Variants in SLC7A7 observed in about 807,000 individuals in gnomAD.
The protein encoded by SLC7A7 is Y+L amino acid transporter 1.
SLC7A7 carries 39 observed loss-of-function variants against 47.9 expected under a neutral mutation model. The ratio of observed to expected loss-of-function variants is 0.81; its 90% CI spans 0.63 to 1.06. SLC7A7 has a LOEUF of 1.06. Among genes scored for constraint, SLC7A7 ranks in the 50% least tolerant of loss-of-function variants. SLC7A7 has a pLI of 0.00. For missense variants in SLC7A7, 588 were observed against 632.0 expected, an observed-to-expected ratio of 0.93 and a Z score of 0.75; for synonymous variants, 234 against 242.8, an observed-to-expected ratio of 0.96 and a Z score of 0.34.
chr14:22,778,260 G>A (rs2038652970), intron 4 of SLC7A7, among the ~76,000 whole-genome samples: 1 of 152,160 alleles, frequency 6.6e-6, no homozygotes, highest in Non-Finnish European at 1.5e-5. Flanking sequence ...TCAGTGGAAA[G>A]ATCAACTCTA....
chr14:22,794,990 A>T (rs1338853074), intron 2 of SLC7A7, among the ~76,000 whole-genome samples: 1 of 152,042 alleles, frequency 6.6e-6, no homozygotes, highest in Non-Finnish European at 1.5e-5. Context: ...TCGTTCTCCA[A>T]GCCAATTCTC....
chr14:22,781,070 G>A (rs1307705939), intron 2 of SLC7A7, among the ~76,000 whole-genome samples: 1 of 152,074 alleles, frequency 6.6e-6, no homozygotes, highest in African/African-American at 2.4e-5. Flanking sequence ...TCGCTTCATT[G>A]CTCCCTCCTT....
chr14:22,810,720 G>A (rs2039293097), intron 2 of SLC7A7, among the ~76,000 whole-genome samples: 1 of 152,180 alleles, frequency 6.6e-6, no homozygotes, highest in Non-Finnish European at 1.5e-5. Flanking sequence ...GCTCATGCCT[G>A]TAATCCCAGC....
At chr14:22,783,652 C>CA (rs1231308428) in intron 2 of SLC7A7, among the ~76,000 whole-genome samples, 4 of 152,128 alleles carry the variant, frequency 2.6e-5, no homozygotes, top group Non-Finnish European at 5.9e-5. Context: ...CCGCCTGCCT[C>CA]AGCCTCCCAA....
At chr14:22,801,219 TC>T (rs1221966884) in intron 2 of SLC7A7, among the ~76,000 whole-genome samples, 1 of 152,134 alleles carries the variant, frequency 6.6e-6, no homozygotes, top group Non-Finnish European at 1.5e-5. Flanking sequence ...GCAAGCCAAC[TC>T]TCAACCTTTT....
chr14:22,797,313 G>A lies in SLC7A7; in HGVS notation c.499+15587C>T, dbSNP rs546368355. Among the ~76,000 whole-genome samples, 8 of 152,276 alleles carry A rather than the reference G, an allele frequency of 5.3e-5. No individual in the cohort carries two copies. The East Asian group carries it at 1.5e-3, about 29-fold the overall frequency. On this transcript the variant is annotated intron_variant, in intron 2 of 9. Transcript: ENST00000674313. ...GTCAGAATAAGCAGCTTCAGGAGGT[G>A]CCATCTGCACACCTCTCTGTTTGGG... is the stretch of plus-strand genomic sequence containing the variant.
At position 22,792,867 on chromosome 14, in the gene SLC7A7, A is replaced by AG. The variant is rs2038946985; in HGVS notation, c.500-12817_500-12816insC. Among the ~76,000 whole-genome samples, 99 of 122,546 alleles carry AG rather than the reference A, an allele frequency of 8.1e-4. 1 individual carries two copies. The South Asian group carries it at 0.018, about 22-fold the overall frequency. 80.4% of individuals were successfully genotyped at this position (122,546 alleles called of 152,430 possible). On this transcript the variant is annotated intron_variant, in intron 2 of 9. Transcript: ENST00000674313. The stretch of plus-strand genomic sequence containing the variant: ...TGTGAGGCCCCGTCTCAAAGAAAGA[A>AG]AGAGAGAGAGAGAGAGAGAGAGAGA...
chr14:22,774,430 C>T lies in SLC7A7; in HGVS notation c.1169G>A (p.Trp390Ter). 6.2e-7 allele frequency: 1 copy of T among 1,614,132 alleles called. No individual in the cohort carries two copies. Among genetic ancestry groups the T allele is most frequent in the Non-Finnish European group, 8.5e-7 (1 of 1,180,018 alleles). ...QLINYYSFSY[W>*]FFVGLSIVGQ... ...CACAATAGAAAGCCCCACAAAGAAC[C>T]AGTAGCTGAAGCTGTAGTAGTTAAT... The change falls in exon 8 of 10, where the codon TGG becomes TAG. Residue 390 changes from tryptophan (W) to a stop codon, truncating the protein, a stop_gained. Coordinates refer to ENST00000674313, the MANE Select transcript of SLC7A7 (RefSeq NM_003982.4). LOFTEE classifies it high-confidence loss of function.
chr14:22,818,608 G>GTTTTTT (rs35509044), upstream of SLC7A7, among the ~76,000 whole-genome samples: 1 of 140,540 alleles, frequency 7.1e-6, no homozygotes. Context: ...TGGTTTTTGG[G>GTTTTTT]TTTTTTTTAC....
chr14:22,790,232 G>A (rs1214049764), intron 2 of SLC7A7, among the ~76,000 whole-genome samples: 1 of 151,094 alleles, frequency 6.6e-6, no homozygotes, highest in Non-Finnish European at 1.5e-5. Context: ...AGGAGGCTAA[G>A]GTGGGAGAAT....
At chr14:22,793,869 T>C (rs1177560122) in intron 2 of SLC7A7, among the ~76,000 whole-genome samples, 1 of 151,822 alleles carries the variant, frequency 6.6e-6, no homozygotes, top group Admixed American at 6.6e-5. Context: ...AGCTACAAGA[T>C]TCTGACCTTC....
In SLC7A7 at chr14:22,792,867, A is replaced by AAGAGAGAGAGAG. The variant is rs113285148; in HGVS notation, c.500-12828_500-12817dup. On this transcript the variant is annotated intron_variant, in intron 2 of 9. Transcript: ENST00000674313. Reference sequence around the variant, plus strand: ...TGTGAGGCCCCGTCTCAAAGAAAGAAAGAGAGAGAGAGAGAGAGAGAGAGA... The same window carrying AAGAGAGAGAGAG: ...TGTGAGGCCCCGTCTCAAAGAAAGAAAGAGAGAGAGAGAGAGAGAGAGAGAGAGAGAGAGAGA... Among the ~76,000 whole-genome samples the AAGAGAGAGAGAG allele has an allele frequency of 7.6e-3, 932 of 122,514 alleles. 4 individuals are homozygous for AAGAGAGAGAGAG. The highest frequency in any genetic ancestry group is 0.013 in the African/African-American group (424 of 32,320). 80.4% of individuals were successfully genotyped at this position (122,514 alleles called of 152,430 possible).
At position 22,813,033 on chromosome 14, in the gene SLC7A7, G is replaced by C; in HGVS notation, c.366C>G (p.Thr122=). 1 of 1,614,120 alleles carries C rather than the reference G, an allele frequency of 6.2e-7. No individual in the cohort carries two copies. Among genetic ancestry groups the C allele is most frequent in the South Asian group, 1.1e-5 (1 of 91,078 alleles). ...GGFLAFIRLW[T]SLLIIEPTSQ... Reference sequence around the variant, plus strand: ...TGGTGGGCTCAATGATGAGCAGGGAGGTCCAGAGTCTGATGAAAGCAAGGA... The same window carrying C: ...TGGTGGGCTCAATGATGAGCAGGGACGTCCAGAGTCTGATGAAAGCAAGGA... The change falls in exon 2 of 10, where the codon ACC becomes ACG. Residue 122 remains threonine (T), a synonymous_variant. Transcript: ENST00000674313.
intron 2 of SLC7A7, among the ~76,000 whole-genome samples, chr14:22,796,599 G>T (rs8009463): frequency 0.79 from 120,770 of 152,104 alleles, 48,484 homozygotes; most frequent in Non-Finnish European, 0.86. Flanking sequence ...GCCCTGAACT[G>T]CCAGGTACTG....
chr14:22,812,486 G>T (rs1749696355), intron 2 of SLC7A7, among the ~76,000 whole-genome samples: 1 of 149,554 alleles, frequency 6.7e-6, no homozygotes, highest in Non-Finnish European at 1.5e-5. Context: ...TCTCTTGAAG[G>T]AACAAGAAAA....
chr14:22,792,993 T>G (rs975582236), intron 2 of SLC7A7, among the ~76,000 whole-genome samples: 1 of 147,544 alleles, frequency 6.8e-6, no homozygotes, highest in Non-Finnish European at 1.5e-5. Context: ...CTTGGCTCAC[T>G]GCAACCTCCG....
At chr14:22,778,714 G>A (rs2038660579) in intron 4 of SLC7A7, 79 bp downstream of exon 4, 1 of 1,487,126 alleles carries the variant, frequency 6.7e-7, no homozygotes. Flanking sequence ...AGTGGTTGTG[G>A]TATGCTGTCT....
chr14:22,782,164 G>A (rs190938052), intron 2 of SLC7A7, among the ~76,000 whole-genome samples: 63 of 152,026 alleles, frequency 4.1e-4, no homozygotes, highest in Admixed American at 1.2e-3. Context: ...GTGCAATGGC[G>A]TGGTCTCGGC....
chr14:22,795,385 G>GCTTGCTTGCTTGCTTTTTCTTTCTTT (rs1491190196), intron 2 of SLC7A7, among the ~76,000 whole-genome samples: 2 of 14,496 alleles, frequency 1.4e-4, no homozygotes, highest in Non-Finnish European at 1.4e-4. Context: ...TTGCTTGCTT[G>GCTTGCTTGCTTGCTTTTTCTTTCTTT]CTTTCTTTCT....
Sources: allele counts gnomAD v4.1 joint callset (sites outside exome capture counted in the v4.1 genomes callset), GRCh38; gene constraint gnomAD v4.1.1; transcripts MANE v1.5; gene names NCBI Gene and HGNC (gene_info 2026-07-23, HGNC 2026-07-21).